PHKB: variants seen among roughly 807,000 people sequenced by gnomAD.
PHKB encodes the protein phosphorylase kinase regulatory subunit beta, also known as phosphorylase b kinase regulatory subunit beta.
A neutral mutation model predicts 152.1 loss-of-function variants in PHKB; 122 were observed. That is an observed-to-expected ratio of 0.80 (90% CI 0.69 to 0.93). The LOEUF (loss-of-function observed/expected upper bound fraction) is 0.93. PHKB is among the 40% of genes least tolerant of loss of function. PHKB has a pLI of 0.00. For missense variants in PHKB, 1,304 were observed against 1,328.4 expected (o/e 0.98, Z 0.29); for synonymous variants, 436 against 464.9 (o/e 0.94, Z 0.80).
At chr16:47,629,346 A>G (rs1487359498) in intron 14 of PHKB, among the ~76,000 whole-genome samples, 1 of 152,094 alleles carries the variant, frequency 6.6e-6, no homozygotes, top group Admixed American at 6.5e-5. Flanking sequence ...AAACAACCCC[A>G]TCAAAAAGTG....
intron 14 of PHKB, among the ~76,000 whole-genome samples, chr16:47,627,295 C>G (rs1164992479): frequency 6.6e-6 from 1 of 152,184 alleles, no homozygotes; most frequent in Admixed American, 6.5e-5. Context: ...GTTTCTCCAC[C>G]TGGGTTCATG....
chr16:47,499,836 A>G lies in PHKB; in HGVS notation c.247A>G (p.Lys83Glu). The G allele has an allele frequency of 1.9e-6, 3 of 1,614,206 alleles. No homozygotes were observed. Among genetic ancestry groups the G allele is most frequent in the Non-Finnish European group, 2.5e-6 (3 of 1,180,026 alleles). Residue 83 changes from lysine (K) to glutamate (E), a missense_variant, in exon 3 of 31, where the codon AAG becomes GAG. Lys to Glu is a moderately conservative substitution (Grantham distance 56, BLOSUM62 1). Coordinates refer to ENST00000323584, the MANE Select transcript of PHKB (RefSeq NM_000293.3). ...AACATGCGGTGGTGACCAGAAGGCC[A>G]AGATCCAGGACAGCCTATACTGCGC... ...TKTCGGDQKAKIQDSLYCAAG... is the reference protein window; with the variant it reads ...TKTCGGDQKAEIQDSLYCAAG...
intron 1 of PHKB, among the ~76,000 whole-genome samples, chr16:47,476,139 G>T (rs1032560670): frequency 6.6e-6 from 1 of 151,986 alleles, no homozygotes; most frequent in Non-Finnish European, 1.5e-5. Context: ...CAAAGTGCTG[G>T]GATTATATGA....
chr16:47,558,221 G>C (rs911955126), intron 7 of PHKB, among the ~76,000 whole-genome samples: 1 of 135,260 alleles, frequency 7.4e-6, no homozygotes, highest in African/African-American at 2.7e-5. Context: ...ACATCACTCT[G>C]GGGACTGTTG....
intron 10 of PHKB, among the ~76,000 whole-genome samples, chr16:47,589,732 G>A (rs1189834655): frequency 1.3e-5 from 2 of 152,188 alleles, no homozygotes; most frequent in African/African-American, 2.4e-5. Context: ...AAGAAGTCAT[G>A]CACATTGCTG....
At chr16:47,524,446 C>T (rs1470414472) in intron 6 of PHKB, among the ~76,000 whole-genome samples, 1 of 152,148 alleles carries the variant, frequency 6.6e-6, no homozygotes, top group East Asian at 1.9e-4. Flanking sequence ...CTTTTAATGG[C>T]TGTCTGACAT....
chr16:47,483,470 C>T (rs142389274), intron 1 of PHKB, among the ~76,000 whole-genome samples: 8 of 152,216 alleles, frequency 5.3e-5, no homozygotes, highest in African/African-American at 1.9e-4. Context: ...TAAATTTTTA[C>T]TTGTAGTATA....
intron 7 of PHKB, among the ~76,000 whole-genome samples, chr16:47,557,482 C>T (rs1455683944): frequency 6.6e-6 from 1 of 152,172 alleles, no homozygotes; most frequent in African/African-American, 2.4e-5. Flanking sequence ...GCAACCTACT[C>T]ATCTGACAAA....
At chr16:47,663,914 C>A (rs1055617499) in intron 24 of PHKB, 180 bp downstream of exon 24, 2 of 632,106 alleles carry the variant, frequency 3.2e-6, no homozygotes, top group South Asian at 1.9e-5. Context: ...ACTGCCTCCA[C>A]CAAAATTCTG....
At chr16:47,549,229 T>A (rs954665165) in intron 7 of PHKB, among the ~76,000 whole-genome samples, 2 of 152,234 alleles carry the variant, frequency 1.3e-5, no homozygotes, top group African/African-American at 4.8e-5. Context: ...ATCACTCAAA[T>A]TATAAGAAAT....
chr16:47,474,339 T>C (rs1013926241), intron 1 of PHKB, among the ~76,000 whole-genome samples: 1 of 152,200 alleles, frequency 6.6e-6, no homozygotes, highest in Non-Finnish European at 1.5e-5. Flanking sequence ...TGAACACTTA[T>C]GCTGTTATTT....
At chr16:47,694,976 A>G (rs1317405139) in intron 28 of PHKB, among the ~76,000 whole-genome samples, 1 of 152,236 alleles carries the variant, frequency 6.6e-6, no homozygotes, top group Admixed American at 6.5e-5. Context: ...TGCACCAAGC[A>G]CTTTTCTAAG....
At chr16:47,546,760 C>T (rs1444325267) in intron 6 of PHKB, among the ~76,000 whole-genome samples, 1 of 152,116 alleles carries the variant, frequency 6.6e-6, no homozygotes, top group Non-Finnish European at 1.5e-5. Flanking sequence ...TGGTGGGCTC[C>T]ACCTATAGCT....
chr16:47,653,820 A>G (rs1337786188), intron 20 of PHKB, among the ~76,000 whole-genome samples: 1 of 152,176 alleles, frequency 6.6e-6, no homozygotes, highest in African/African-American at 2.4e-5. Context: ...AAATGTGAGT[A>G]CCTCCTAAAT....
At chr16:47,674,905 A>G (rs1416737789) in intron 26 of PHKB, among the ~76,000 whole-genome samples, 1 of 152,220 alleles carries the variant, frequency 6.6e-6, no homozygotes, top group Non-Finnish European at 1.5e-5. Context: ...CTGCCACTGA[A>G]TTCAGCTCTC....
At chr16:47,602,848 C>T (rs1972255758) in intron 13 of PHKB, among the ~76,000 whole-genome samples, 1 of 152,072 alleles carries the variant, frequency 6.6e-6, no homozygotes, top group Non-Finnish European at 1.5e-5. Context: ...ATCTCTGCTT[C>T]TATTTATAGA....
chr16:47,470,254 T>G (rs907486913), intron 1 of PHKB, among the ~76,000 whole-genome samples: 7 of 152,216 alleles, frequency 4.6e-5, no homozygotes, highest in African/African-American at 1.7e-4. Context: ...ATTGTTTCTG[T>G]AGATATTAAA....
At chr16:47,524,021 T>A (rs906798556) in intron 6 of PHKB, among the ~76,000 whole-genome samples, 1 of 152,060 alleles carries the variant, frequency 6.6e-6, no homozygotes, top group African/African-American at 2.4e-5. Context: ...GGGAGAAGGG[T>A]TGAGAATAGG....
At chr16:47,540,534 C>T (rs544769976) in intron 6 of PHKB, among the ~76,000 whole-genome samples, 2 of 152,194 alleles carry the variant, frequency 1.3e-5, no homozygotes, top group African/African-American at 2.4e-5. Flanking sequence ...AAGTGGGCAT[C>T]ATGGTCCTAC....
Sources: allele counts gnomAD v4.1 joint callset (sites outside exome capture counted in the v4.1 genomes callset), GRCh38; gene constraint gnomAD v4.1.1; transcripts MANE v1.5; gene names NCBI Gene and HGNC (gene_info 2026-07-23, HGNC 2026-07-21).